The following CLVS1 variants were observed in gnomAD, a reference collection of about 807,000 sequenced individuals.
The protein encoded by CLVS1 is clavesin-1.
A neutral mutation model predicts 33.1 loss-of-function variants in CLVS1; 10 were observed. The observed-to-expected ratio is 0.30, with a 90% CI of 0.19 to 0.51. The LOEUF is 0.51. Among genes scored for constraint, CLVS1 ranks in the 20% least tolerant of loss-of-function variants. The probability of loss-of-function intolerance (pLI) is 0.97; values close to 1 mark genes in which losing one functional copy is unlikely to be tolerated. For synonymous variants in CLVS1, 163 were observed against 166.1 expected, an observed-to-expected ratio of 0.98 and a Z score of 0.14; for missense variants, 343 against 433.4, an observed-to-expected ratio of 0.79 and a Z score of 1.85.
intron 1 of CLVS1, among the ~76,000 whole-genome samples, chr8:61,124,712 T>C (rs1805940246): frequency 6.6e-6 from 1 of 152,186 alleles, no homozygotes; most frequent in Non-Finnish European, 1.5e-5. Flanking sequence ...CACTCATTCC[T>C]TTAAAAATTG....
intron 2 of CLVS1, among the ~76,000 whole-genome samples, chr8:61,232,979 T>C (rs539768232): frequency 6.6e-6 from 1 of 152,224 alleles, no homozygotes; most frequent in African/African-American, 2.4e-5. Flanking sequence ...TATAACCATA[T>C]AAAATTTAGT....
the CLVS1 span, among the ~76,000 whole-genome samples, chr8:60,981,967 A>G: frequency 6.6e-6 from 1 of 152,240 alleles, no homozygotes; most frequent in Non-Finnish European, 1.5e-5. Flanking sequence ...CACTTCATTT[A>G]GAAGTTATCA....
At chr8:61,017,853 C>T in the CLVS1 span, among the ~76,000 whole-genome samples, 5 of 152,310 alleles carry the variant, frequency 3.3e-5, no homozygotes, top group East Asian at 7.7e-4. Context: ...TGGTTGAATG[C>T]CATCAGTTTA....
intron 2 of CLVS1, among the ~76,000 whole-genome samples, chr8:61,160,816 A>G (rs1237590035): frequency 1.3e-5 from 2 of 152,158 alleles, no homozygotes; most frequent in African/African-American, 4.8e-5. Context: ...CTAGGCCTCA[A>G]CCTTGCCCCT....
chr8:60,997,748 C>T, the CLVS1 span, among the ~76,000 whole-genome samples: 17 of 152,230 alleles, frequency 1.1e-4, no homozygotes, highest in Non-Finnish European at 1.8e-4. Context: ...GTGCCACCAA[C>T]GAAAGGTGAG....
At chr8:60,995,872 T>C in the CLVS1 span, among the ~76,000 whole-genome samples, 1 of 152,156 alleles carries the variant, frequency 6.6e-6, no homozygotes, top group African/African-American at 2.4e-5. Flanking sequence ...GGGACATGGA[T>C]GAAATTGGAA....
chr8:61,194,408 T>C (rs918573101), intron 2 of CLVS1, among the ~76,000 whole-genome samples: 6 of 152,052 alleles, frequency 3.9e-5, no homozygotes, highest in African/African-American at 1.4e-4. Context: ...TTATTTTGCA[T>C]TTTCTTTTGA....
chr8:61,475,042 C>T (rs1012431842), intron 5 of CLVS1, among the ~76,000 whole-genome samples: 17 of 152,058 alleles, frequency 1.1e-4, no homozygotes, highest in Admixed American at 1.0e-3. Flanking sequence ...TGAGAACATG[C>T]AGGGTTTGGT....
rs571747484 is a variant in CLVS1 at position 61,340,073 on chromosome 8, A to G, written c.456-36532A>G. ...AAGAAAAAAGAAAAAGAAAGAAAGA[A>G]AAAGAAAGGAAAGAAAGAAAAAGAA... On this transcript the variant is annotated intron_variant, in intron 2 of 5. Coordinates refer to ENST00000325897, the MANE Select transcript of CLVS1 (RefSeq NM_173519.3). Among the ~76,000 whole-genome samples, 5 of 149,176 alleles carry G rather than the reference A, an allele frequency of 3.4e-5. No individual in the cohort carries two copies. The South Asian group carries it at 1.0e-3, about 31-fold the overall frequency.
intron 3 of CLVS1, among the ~76,000 whole-genome samples, chr8:61,437,365 GA>G (rs1292187316): frequency 6.6e-6 from 1 of 152,172 alleles, no homozygotes; most frequent in East Asian, 1.9e-4. Flanking sequence ...ACCTTCAGAA[GA>G]AACCACAAAC....
intron 5 of CLVS1, among the ~76,000 whole-genome samples, chr8:61,483,802 A>C (rs910651259): frequency 2.0e-5 from 3 of 152,262 alleles, no homozygotes; most frequent in Non-Finnish European, 4.4e-5. Flanking sequence ...ACATATGCAA[A>C]TCAATAAACG....
intron 3 of CLVS1, among the ~76,000 whole-genome samples, chr8:61,388,307 C>A (rs1814165523): frequency 6.7e-6 from 1 of 149,842 alleles, no homozygotes; most frequent in Admixed American, 6.6e-5. Flanking sequence ...GTGTTCCTAT[C>A]TGAATCAATC....
At chr8:61,071,275 A>G (rs1804792369) in intron 1 of CLVS1, among the ~76,000 whole-genome samples, 1 of 152,244 alleles carries the variant, frequency 6.6e-6, no homozygotes, top group African/African-American at 2.4e-5. Context: ...GAAGTCTGAA[A>G]ACATTTTTAT....
chr8:61,489,240 G>A (rs1029719764), intron 5 of CLVS1, among the ~76,000 whole-genome samples: 1 of 152,122 alleles, frequency 6.6e-6, no homozygotes, highest in Non-Finnish European at 1.5e-5. Flanking sequence ...TGAGAGAAAT[G>A]GTTCTATGAG....
intron 2 of CLVS1, among the ~76,000 whole-genome samples, chr8:61,270,757 C>T (rs1177858660): frequency 3.3e-5 from 5 of 152,032 alleles, no homozygotes; most frequent in East Asian, 3.8e-4. Context: ...GTGTATGTGT[C>T]GAGGAATTTA....
At chr8:61,485,194 A>G (rs1057024048) in intron 5 of CLVS1, among the ~76,000 whole-genome samples, 12 of 152,226 alleles carry the variant, frequency 7.9e-5, no homozygotes, top group African/African-American at 2.9e-4. Context: ...CAACCTACTC[A>G]TCTGACAAAA....
At chr8:61,092,723 C>T (rs997302939) in intron 1 of CLVS1, among the ~76,000 whole-genome samples, 7 of 152,162 alleles carry the variant, frequency 4.6e-5, no homozygotes, top group Admixed American at 2.0e-4. Flanking sequence ...AAGACCTTTG[C>T]GATTACCTGA....
intron 3 of CLVS1, among the ~76,000 whole-genome samples, chr8:61,391,731 T>C (rs1308142924): frequency 6.6e-6 from 1 of 152,220 alleles, no homozygotes; most frequent in Non-Finnish European, 1.5e-5. Context: ...GAATGACTTT[T>C]TTCACTAACT....
chr8:61,228,013 C>T (rs770889210), intron 2 of CLVS1, among the ~76,000 whole-genome samples: 98 of 152,206 alleles, frequency 6.4e-4, no homozygotes, highest in Admixed American at 1.0e-3. Context: ...AGACAAAAAA[C>T]GAGTGCCCTT....
Sources: allele counts gnomAD v4.1 joint callset (sites outside exome capture counted in the v4.1 genomes callset), GRCh38; gene constraint gnomAD v4.1.1; transcripts MANE v1.5; gene names NCBI Gene and HGNC (gene_info 2026-07-23, HGNC 2026-07-21).